Variants in PDE3A observed in about 807,000 individuals in gnomAD.
PDE3A encodes the protein phosphodiesterase 3A, also known as cGMP-inhibited 3',5'-cyclic phosphodiesterase 3A.
PDE3A carries 43 observed loss-of-function variants against 98.3 expected under a neutral mutation model. The observed-to-expected ratio is 0.44, with a 90% CI of 0.34 to 0.56. The LOEUF is 0.56. Among genes scored for constraint, PDE3A ranks in the 20% least tolerant of loss-of-function variants. The probability of loss-of-function intolerance (pLI) is 0.01; values close to 1 mark genes in which losing one functional copy is unlikely to be tolerated. For missense variants in PDE3A, 1,427 were observed against 1,440.7 expected (o/e 0.99, Z 0.15); for synonymous variants, 663 against 567.9 (o/e 1.17, Z -2.38).
intron 7 of PDE3A, among the ~76,000 whole-genome samples, chr12:20,634,392 C>G (rs887740121): frequency 2.6e-5 from 4 of 151,996 alleles, no homozygotes; most frequent in Non-Finnish European, 4.4e-5. Context: ...GAAATGGCGA[C>G]AGTGAAGAAG....
intron 2 of PDE3A, among the ~76,000 whole-genome samples, chr12:20,611,338 A>C (rs565231673): frequency 6.6e-6 from 1 of 152,038 alleles, no homozygotes; most frequent in Non-Finnish European, 1.5e-5. Flanking sequence ...GCCTGTGATC[A>C]GAGAACATGG....
chr12:20,564,788 T>A (rs891151959), intron 2 of PDE3A, among the ~76,000 whole-genome samples: 1 of 152,156 alleles, frequency 6.6e-6, no homozygotes, highest in Non-Finnish European at 1.5e-5. Flanking sequence ...GTTTATAGAT[T>A]AGTAGACATG....
At chr12:20,399,556 G>C (rs903470890) in intron 1 of PDE3A, among the ~76,000 whole-genome samples, 1 of 152,126 alleles carries the variant, frequency 6.6e-6, no homozygotes, top group Non-Finnish European at 1.5e-5. Flanking sequence ...TGCTTGGCTT[G>C]TCTTTACATA....
At chr12:20,376,914 A>G (rs1455662740) in intron 1 of PDE3A, among the ~76,000 whole-genome samples, 1 of 151,862 alleles carries the variant, frequency 6.6e-6, no homozygotes, top group Admixed American at 6.6e-5. Context: ...TAGAGCTGTC[A>G]TTTGTTATTT....
intron 2 of PDE3A, among the ~76,000 whole-genome samples, chr12:20,597,977 T>C (rs1188529293): frequency 6.6e-6 from 1 of 151,814 alleles, no homozygotes; most frequent in Non-Finnish European, 1.5e-5. Flanking sequence ...CATACTTATG[T>C]TTTTTTTGTG....
chr12:20,397,803 G>C (rs1175226673), intron 1 of PDE3A, among the ~76,000 whole-genome samples: 1 of 152,040 alleles, frequency 6.6e-6, no homozygotes, highest in Non-Finnish European at 1.5e-5. Context: ...AGGCAACTCA[G>C]TAACAAAGAG....
In PDE3A at chr12:20,686,485, C is replaced by T. The variant is rs1333631742; in HGVS notation, c.*6214C>T. On this transcript the variant is annotated 3_prime_UTR_variant, in exon 16 of 16. Coordinates refer to ENST00000359062, the MANE Select transcript of PDE3A (RefSeq NM_000921.5). Reference sequence around the variant, plus strand: ...ACAGCCACTGCATTAATCTGCCCAGCATGATCAGATAGTAGGTTAGAATTT... The same window carrying T: ...ACAGCCACTGCATTAATCTGCCCAGTATGATCAGATAGTAGGTTAGAATTT... Among the ~76,000 whole-genome samples, 1 of 151,738 alleles carries T rather than the reference C, an allele frequency of 6.6e-6. No homozygotes were observed. Among genetic ancestry groups the T allele is most frequent in the African/African-American group, 2.4e-5 (1 of 41,398 alleles).
chr12:20,525,234 T>C (rs1268785574), intron 1 of PDE3A, among the ~76,000 whole-genome samples: 1 of 152,152 alleles, frequency 6.6e-6, no homozygotes, highest in Non-Finnish European at 1.5e-5. Context: ...GGAATAGTAA[T>C]ATATGTGTTG....
Position 20,633,774 on chromosome 12 carries a change from A to G in PDE3A, c.1842A>G (p.Arg614=). The change falls in exon 7 of 16, where the codon AGA becomes AGG. Residue 614 remains arginine, a synonymous_variant. Transcript: ENST00000359062. The stretch of plus-strand genomic sequence containing the variant: ...GGGTAGCCACTCGGACACCAAGTAG[A>G]ACAGGTAATTCATTGTTTTGGATTC... ...RSGVATRTPS[R]TDDTAQVTSD... 6.3e-7 allele frequency: 1 copy of G among 1,577,038 alleles called. No homozygotes were observed.
rs575383835 is a variant in PDE3A, at chr12:20,556,966, T to C, written c.1011+256T>C. 4 of 456,420 alleles carry C rather than the reference T, an allele frequency of 8.8e-6. No individual in the cohort carries two copies. In the South Asian group the frequency reaches 9.3e-5, roughly 11 times the overall value. 28.3% of individuals were successfully genotyped at this position (456,420 alleles called of 1,614,324 possible). A position where few individuals can be genotyped will look rare whatever the true frequency, so the allele number is the denominator to read the frequency against. On this transcript the variant is annotated intron_variant, in intron 2 of 15. Transcript: ENST00000359062. The stretch of plus-strand genomic sequence containing the variant: ...TATGAATATAGATTTTATATTCATC[T>C]TGTCTCGGCAGAATACATTTTGATC...
intron 1 of PDE3A, among the ~76,000 whole-genome samples, chr12:20,389,218 C>T (rs930411891): frequency 1.3e-5 from 2 of 151,956 alleles, no homozygotes; most frequent in African/African-American, 4.8e-5. Context: ...CTTTCTCTCT[C>T]TCTCTTTCTG....
At chr12:20,537,186 C>T (rs1345670110) in intron 1 of PDE3A, among the ~76,000 whole-genome samples, 2 of 152,006 alleles carry the variant, frequency 1.3e-5, no homozygotes, top group African/African-American at 4.8e-5. Flanking sequence ...ACTTGATGAC[C>T]ATTTGTATGT....
chr12:20,369,386 C>T lies in PDE3A; in HGVS notation c.102C>T (p.Asp34=), dbSNP rs778291936. The T allele has an allele frequency of 3.3e-5, 51 of 1,550,478 alleles. No homozygotes were observed. The highest frequency in any genetic ancestry group is 1.8e-4 in the Middle Eastern group (1 of 5,646). ...GCCGGGACTGCCACCATCGTGCGGACCCCGCATCGCCGCGGGACTCGGGCT... is the reference window on the plus strand; with the variant it reads ...GCCGGGACTGCCACCATCGTGCGGATCCCGCATCGCCGCGGGACTCGGGCT... ...TAGRDCHHRA[D]PASPRDSGCR... Residue 34 remains aspartate, a synonymous_variant, in exon 1 of 16, where the codon GAC becomes GAT. Transcript: ENST00000359062.
At chr12:20,662,382 C>G (rs537148572) in intron 15 of PDE3A, among the ~76,000 whole-genome samples, 1 of 150,666 alleles carries the variant, frequency 6.6e-6, no homozygotes, top group Non-Finnish European at 1.5e-5. Flanking sequence ...GCTTACCCTG[C>G]AGAGCCACAG....
intron 1 of PDE3A, among the ~76,000 whole-genome samples, chr12:20,382,040 A>G (rs976974483): frequency 2.0e-5 from 3 of 151,924 alleles, no homozygotes; most frequent in African/African-American, 7.2e-5. Flanking sequence ...ATATAATTAC[A>G]TATCATTTGA....
At chr12:20,666,881 T>C (rs1565469630) in intron 15 of PDE3A, among the ~76,000 whole-genome samples, 2 of 152,202 alleles carry the variant, frequency 1.3e-5, no homozygotes, top group African/African-American at 4.8e-5. Context: ...TATACCAACT[T>C]ATATACCTAC....
Position 20,680,375 on chromosome 12 carries a change from C to A in PDE3A, c.*104C>A. 8.7e-7 allele frequency: 1 copy of A among 1,155,138 alleles called. No homozygotes were observed. Among genetic ancestry groups the A allele is most frequent in the South Asian group, 1.6e-5 (1 of 61,898 alleles). 71.6% of individuals were successfully genotyped at this position (1,155,138 alleles called of 1,614,324 possible). The stretch of plus-strand genomic sequence containing the variant: ...CAACACTGTAGAAATTTGAGATGGG[C>A]AAATGGCTATTGCATTTTGGGATTC... On this transcript the variant is annotated 3_prime_UTR_variant, in exon 16 of 16. Coordinates refer to ENST00000359062, the MANE Select transcript of PDE3A (RefSeq NM_000921.5).
At position 20,369,391 on chromosome 12, in the gene PDE3A, C is replaced by T. The variant is rs1446871030; in HGVS notation, c.107C>T (p.Ala36Val). The T allele has an allele frequency of 2.6e-6, 4 of 1,551,152 alleles. No individual in the cohort carries two copies. The African/African-American group carries it at 4.1e-5, about 16-fold the overall frequency. Reference protein sequence around the residue: ...GRDCHHRADPASPRDSGCRGC... With the variant: ...GRDCHHRADPVSPRDSGCRGC... ...GACTGCCACCATCGTGCGGACCCCG[C>T]ATCGCCGCGGGACTCGGGCTGCCGT... The change falls in exon 1 of 16, where the codon GCA (alanine) becomes GTA (valine). Residue 36 changes from alanine to valine, a missense_variant. By Grantham distance (64) the Ala-to-Val change is moderately conservative. Around this residue, in one of 3 missense-constraint regions of PDE3A, gnomAD observed 1,012 missense variants for 886.5 expected, o/e 1.14. Transcript: ENST00000359062.
chr12:20,398,987 C>T (rs1484327399), intron 1 of PDE3A, among the ~76,000 whole-genome samples: 1 of 152,152 alleles, frequency 6.6e-6, no homozygotes, highest in Non-Finnish European at 1.5e-5. Context: ...TTCCCTCTTC[C>T]TCCCAGCCCC....
Sources: allele counts gnomAD v4.1 joint callset (sites outside exome capture counted in the v4.1 genomes callset), GRCh38; gene constraint gnomAD v4.1.1; regional missense constraint gnomAD v4.1.1; transcripts MANE v1.5; gene names NCBI Gene and HGNC (gene_info 2026-07-23, HGNC 2026-07-21).